Variants in NR5A2 observed in about 807,000 individuals in gnomAD.
The protein encoded by NR5A2 is nuclear receptor subfamily 5 group A member 2.
A neutral mutation model predicts 62.7 loss-of-function variants in NR5A2; 26 were observed. The observed-to-expected ratio is 0.41, with a 90% confidence interval of 0.30 to 0.58. NR5A2 has a LOEUF of 0.58. NR5A2 is among the 20% of genes least tolerant of loss of function. NR5A2 has a pLI of 0.22. For synonymous variants in NR5A2, 246 were observed against 241.7 expected (o/e 1.02, Z -0.16); for missense variants, 541 against 669.1 (o/e 0.81, Z 2.11).
rs1667785807 is a variant in NR5A2 at position 200,147,868 on chromosome 1, C to G, written c.1379-26095C>G. On this transcript the variant is annotated intron_variant, in intron 7 of 7. Coordinates refer to ENST00000367362, the MANE Select transcript of NR5A2 (RefSeq NM_205860.3). This position sits in a 1 kb window ranked among gnomAD's most constrained non-coding sequence, Gnocchi z 4.9. The stretch of plus-strand genomic sequence containing the variant: ...CAGTATGGCCACCTGCTTGTAGGCG[C>G]AGTCCCCGGAGCGGTGGCCGGCGCG... The G allele has an allele frequency of 2.3e-6, 1 of 426,530 alleles. No homozygotes were observed. The highest frequency in any genetic ancestry group is 4.4e-6 in the Non-Finnish European group (1 of 229,672). The allele number at this position is 426,530 out of a possible 1,614,324, so 26.4% of individuals were successfully genotyped here.
chr1:200,083,502 A>T (rs981936086), intron 5 of NR5A2, among the ~76,000 whole-genome samples: 8 of 152,214 alleles, frequency 5.3e-5, no homozygotes, highest in Non-Finnish European at 1.2e-4. Context: ...TATGCATTTT[A>T]TGGATTCCTG....
chr1:200,071,642 G>C (rs1324589620), intron 5 of NR5A2, among the ~76,000 whole-genome samples: 1 of 152,154 alleles, frequency 6.6e-6, no homozygotes, highest in Non-Finnish European at 1.5e-5. Context: ...TATTAAAAGA[G>C]AGCTTTTGAG....
At chr1:200,033,199 G>A (rs1050828559) in intron 1 of NR5A2, among the ~76,000 whole-genome samples, 5 of 152,158 alleles carry the variant, frequency 3.3e-5, no homozygotes, top group African/African-American at 1.2e-4. Context: ...TGAATTTGTG[G>A]TGTATGGTAA....
chr1:200,100,348 G>A (rs970859187), intron 5 of NR5A2, among the ~76,000 whole-genome samples: 28 of 148,068 alleles, frequency 1.9e-4, no homozygotes, highest in African/African-American at 6.8e-4. Context: ...TTGGATTTCA[G>A]TTTAAGTATT....
intron 7 of NR5A2, among the ~76,000 whole-genome samples, chr1:200,148,906 CTTTTTTTTT>C: frequency 8.0e-6 from 1 of 125,262 alleles, no homozygotes; most frequent in South Asian, 2.6e-4. Context: ...GCATGCGGTA[CTTTTTTTTT>C]TTTTTTTTTT....
At chr1:200,100,066 C>T (rs1665294978) in intron 5 of NR5A2, among the ~76,000 whole-genome samples, 1 of 152,246 alleles carries the variant, frequency 6.6e-6, no homozygotes, top group East Asian at 1.9e-4. Flanking sequence ...GAGAAGGATT[C>T]TGTTTTTATT....
chr1:200,094,524 CT>C (rs373809748), intron 5 of NR5A2, among the ~76,000 whole-genome samples: 849 of 59,714 alleles, frequency 0.014, no homozygotes, highest in African/African-American at 0.06. Flanking sequence ...TTAAATGCCA[CT>C]TTTTTTTTTT....
chr1:200,059,354 A>C (rs552076539), intron 5 of NR5A2, among the ~76,000 whole-genome samples: 10 of 152,322 alleles, frequency 6.6e-5, no homozygotes, highest in African/African-American at 2.4e-4. Context: ...CCAACCTCCC[A>C]GTGCTCGGCA....
chr1:200,161,298 C>T (rs554314293), intron 7 of NR5A2, among the ~76,000 whole-genome samples: 142 of 152,292 alleles, frequency 9.3e-4, no homozygotes, highest in Non-Finnish European at 1.6e-3. Flanking sequence ...AATATCCCAT[C>T]GATTTCCAGC....
intron 5 of NR5A2, among the ~76,000 whole-genome samples, chr1:200,071,979 G>A (rs1663758179): frequency 6.6e-6 from 1 of 152,180 alleles, no homozygotes; most frequent in Admixed American, 6.6e-5. Context: ...GATATGGAAT[G>A]CTGGTTCAAG....
intron 5 of NR5A2, among the ~76,000 whole-genome samples, chr1:200,097,887 C>A (rs1665173796): frequency 6.6e-6 from 1 of 152,202 alleles, no homozygotes; most frequent in African/African-American, 2.4e-5. Context: ...CCATAAGACA[C>A]ACCCTCTTCA....
chr1:200,043,470 A>G (rs559358566), intron 2 of NR5A2, among the ~76,000 whole-genome samples: 3 of 152,330 alleles, frequency 2.0e-5, no homozygotes, highest in African/African-American at 7.2e-5. Flanking sequence ...TATGCAATTC[A>G]TGTCTCTATT....
chr1:200,135,040 C>CA (rs1401263406), intron 7 of NR5A2, among the ~76,000 whole-genome samples: 2 of 152,232 alleles, frequency 1.3e-5, no homozygotes, highest in African/African-American at 4.8e-5. Context: ...ATCCTTTACA[C>CA]ATAACACAAC....
chr1:200,157,840 C>T (rs1653458109), intron 7 of NR5A2, among the ~76,000 whole-genome samples: 1 of 152,138 alleles, frequency 6.6e-6, no homozygotes, highest in Admixed American at 6.5e-5. Flanking sequence ...ATTTTTCCCC[C>T]TTCATTTCAA....
In NR5A2 at chr1:200,157,073, T is replaced by TA. The variant is rs150105926; in HGVS notation, c.1379-16890_1379-16889insA. On this transcript the variant is annotated intron_variant, in intron 7 of 7. Coordinates refer to ENST00000367362, the MANE Select transcript of NR5A2 (RefSeq NM_205860.3). ...GTGGACTTCAAAGGTGGAAGAGATA[T>TA]TTCTTGTTCAATTAAGTCATCATTG... 3.9e-4 allele frequency among the ~76,000 whole-genome samples: 60 copies of TA among 152,330 alleles called. No individual in the cohort carries two copies. The East Asian group carries it at 0.011, about 29-fold the overall frequency.
intron 7 of NR5A2, among the ~76,000 whole-genome samples, chr1:200,122,698 G>A (rs1029491257): frequency 2.0e-5 from 3 of 152,128 alleles, no homozygotes; most frequent in Non-Finnish European, 4.4e-5. Context: ...TGAGCACTTC[G>A]ATTGTTTCAG....
At chr1:200,042,778 C>A (rs1662171819) in intron 2 of NR5A2, 1 of 982,110 alleles carries the variant, frequency 1.0e-6, no homozygotes, top group Non-Finnish European at 1.2e-6. Context: ...CGGGAAATAC[C>A]GGATCAGGCA....
intron 5 of NR5A2, among the ~76,000 whole-genome samples, chr1:200,105,474 C>T (rs1007617949): frequency 3.9e-5 from 6 of 152,160 alleles, no homozygotes; most frequent in African/African-American, 1.4e-4. Flanking sequence ...CTTCTGTCTC[C>T]TCTCATTGGA....
intron 7 of NR5A2, among the ~76,000 whole-genome samples, chr1:200,149,846 A>G (rs1286630565): frequency 6.6e-6 from 1 of 152,182 alleles, no homozygotes; most frequent in Admixed American, 6.5e-5. Context: ...ATATTTCTAC[A>G]TATGAACTAC....
Sources: gnomAD v4.1 joint callset for allele counts (sites outside exome capture counted in the v4.1 genomes callset) on GRCh38, gnomAD v4.1.1 for gene constraint, Gnocchi (gnomAD v3.1) non-coding constraint, MANE v1.5 for transcripts, NCBI Gene and HGNC (gene_info 2026-07-23, HGNC 2026-07-21) for gene names.